The following PCDH15 variants were observed in gnomAD, a reference collection of about 807,000 sequenced individuals.
The protein encoded by PCDH15 is protocadherin-15.
Under a neutral mutation model 178.5 loss-of-function variants are expected in PCDH15, and 129 were observed. The observed-to-expected ratio is 0.72, with a 90% CI of 0.63 to 0.84. The LOEUF (loss-of-function observed/expected upper bound fraction) is 0.84, where lower values mean the gene tolerates loss of function less well. PCDH15 is among the 40% of genes least tolerant of loss of function. The probability of loss-of-function intolerance (pLI) is 0.00; values close to 1 mark genes in which losing one functional copy is unlikely to be tolerated. For missense variants in PCDH15, 2,230 were observed against 2,099.9 expected (o/e 1.06, Z -1.21); for synonymous variants, 800 against 732.0 (o/e 1.09, Z -1.50).
intron 17 of PCDH15, among the ~76,000 whole-genome samples, chr10:54,070,190 G>C (rs933142449): frequency 2.0e-5 from 3 of 152,056 alleles, no homozygotes; most frequent in Non-Finnish European, 4.4e-5. Flanking sequence ...AACAATGCAA[G>C]ATATTTCTGT....
chr10:55,098,808 GTCTC>G (rs1172807950), intron 2 of PCDH15, among the ~76,000 whole-genome samples: 1 of 151,618 alleles, frequency 6.6e-6, no homozygotes. Flanking sequence ...TTTCGGAAGC[GTCTC>G]TCTCTCTTTC....
chr10:54,365,697 T>C (rs1946690667), intron 5 of PCDH15, among the ~76,000 whole-genome samples: 1 of 152,134 alleles, frequency 6.6e-6, no homozygotes, highest in Admixed American at 6.6e-5. Context: ...AACTGTGTAA[T>C]TTTTTCTTGA....
At chr10:54,676,207 A>C (rs531803244) in intron 1 of PCDH15, among the ~76,000 whole-genome samples, 1 of 152,162 alleles carries the variant, frequency 6.6e-6, no homozygotes, top group African/African-American at 2.4e-5. Context: ...ATATAAGAAT[A>C]AAATTCTAAT....
At chr10:54,052,151 G>A (rs904253283) in intron 18 of PCDH15, among the ~76,000 whole-genome samples, 42 of 152,230 alleles carry the variant, frequency 2.8e-4, no homozygotes, top group Non-Finnish European at 8.8e-5. Context: ...AAGGAAACAT[G>A]TGGTCAGAGC....
At chr10:55,581,188 C>G (rs1310354620) in intron 2 of PCDH15, among the ~76,000 whole-genome samples, 1 of 151,984 alleles carries the variant, frequency 6.6e-6, no homozygotes, top group African/African-American at 2.4e-5. Context: ...ATACAGGAGA[C>G]TTTTTTAAAT....
intron 14 of PCDH15, among the ~76,000 whole-genome samples, chr10:54,147,639 T>C (rs1483351373): frequency 3.3e-5 from 5 of 151,870 alleles, no homozygotes; most frequent in Non-Finnish European, 7.4e-5. Flanking sequence ...ATGAAAAATA[T>C]GTATATATAA....
intron 3 of PCDH15, among the ~76,000 whole-genome samples, chr10:54,521,074 A>C (rs10825344): frequency 1.3e-5 from 1 of 74,612 alleles, no homozygotes; most frequent in Non-Finnish European, 2.4e-5. Context: ...GGGTGGGGGG[A>C]GGGGGGAGGG....
At chr10:54,277,572 T>G (rs978850999) in intron 8 of PCDH15, among the ~76,000 whole-genome samples, 3 of 151,718 alleles carry the variant, frequency 2.0e-5, no homozygotes, top group African/African-American at 7.2e-5. Context: ...ACTAAATGAT[T>G]ATACATATTT....
chr10:54,238,149 C>T (rs2054821918), intron 8 of PCDH15, among the ~76,000 whole-genome samples: 1 of 151,960 alleles, frequency 6.6e-6, no homozygotes, highest in African/African-American at 2.4e-5. Context: ...CTACTGTTTC[C>T]CAAACATTTA....
chr10:54,204,803 T>C (rs1167124960), intron 10 of PCDH15, among the ~76,000 whole-genome samples: 3 of 152,130 alleles, frequency 2.0e-5, no homozygotes, highest in African/African-American at 7.2e-5. Flanking sequence ...CCATCTGTGT[T>C]CATTAAAGAT....
intron 8 of PCDH15, among the ~76,000 whole-genome samples, chr10:54,291,679 A>C (rs988377452): frequency 5.9e-5 from 9 of 152,218 alleles, no homozygotes; most frequent in African/African-American, 2.2e-4. Flanking sequence ...ACCACCAGAG[A>C]ATAGTATAAA....
intron 1 of PCDH15, among the ~76,000 whole-genome samples, chr10:55,210,281 C>CA (rs2132169385): frequency 6.6e-6 from 1 of 151,956 alleles, no homozygotes; most frequent in East Asian, 1.9e-4. Context: ...AACCTAACAG[C>CA]AAAAACAATC....
chr10:54,811,558 C>T (rs1952863007), intron 3 of PCDH15, among the ~76,000 whole-genome samples: 1 of 152,116 alleles, frequency 6.6e-6, no homozygotes, highest in African/African-American at 2.4e-5. Context: ...GCAACCTCTG[C>T]CTCCCTAGTA....
At chr10:55,429,963 C>T (rs1181320359) in intron 2 of PCDH15, among the ~76,000 whole-genome samples, 2 of 152,012 alleles carry the variant, frequency 1.3e-5, no homozygotes, top group African/African-American at 2.4e-5. Context: ...AATTTGTAAT[C>T]GTTTATTTTT....
chr10:54,399,201 C>T (rs1951624557), intron 3 of PCDH15, among the ~76,000 whole-genome samples: 1 of 151,960 alleles, frequency 6.6e-6, no homozygotes, highest in Non-Finnish European at 1.5e-5. Flanking sequence ...GCTACCTACT[C>T]TCAGTGAAGA....
intron 30 of PCDH15, among the ~76,000 whole-genome samples, chr10:53,828,832 C>T (rs1046756915): frequency 6.6e-6 from 1 of 151,948 alleles, no homozygotes; most frequent in African/African-American, 2.4e-5. Flanking sequence ...AATAAGAAAA[C>T]TGGATTAAAA....
intron 1 of PCDH15, among the ~76,000 whole-genome samples, chr10:55,204,038 CTG>C (rs1326837974): frequency 6.6e-6 from 1 of 151,318 alleles, no homozygotes; most frequent in Non-Finnish European, 1.5e-5. Context: ...TAGTGAGATC[CTG>C]TCTCTATTTT....
Position 55,298,520 on chromosome 10 carries a change from A to G in PCDH15, c.-156+21079T>C. Among the ~76,000 whole-genome samples, 2 of 152,198 alleles carry G rather than the reference A, an allele frequency of 1.3e-5. 1 individual carries two copies. The highest frequency in any genetic ancestry group is 2.9e-5 in the Non-Finnish European group (2 of 68,034). On this transcript the variant is annotated intron_variant, in intron 1 of 5. Transcript: ENST00000458638. ...CATAAATCTTTCAATTTGGGAGTACAGTTAATGGAAAGAGAAACTAGTACT... is the reference window on the plus strand; with the variant it reads ...CATAAATCTTTCAATTTGGGAGTACGGTTAATGGAAAGAGAAACTAGTACT...
intron 1 of PCDH15, among the ~76,000 whole-genome samples, chr10:54,697,897 G>A (rs891251540): frequency 6.6e-6 from 1 of 152,018 alleles, no homozygotes; most frequent in African/African-American, 2.4e-5. Flanking sequence ...AGGCACTTAC[G>A]ATACTATTTA....
Sources: allele counts gnomAD v4.1 joint callset (sites outside exome capture counted in the v4.1 genomes callset), GRCh38; gene constraint gnomAD v4.1.1; transcripts MANE v1.5; gene names NCBI Gene and HGNC (gene_info 2026-07-23, HGNC 2026-07-21).